Variants in GRM7 observed in about 807,000 individuals in gnomAD.
GRM7 encodes the protein metabotropic glutamate receptor 7.
Under a neutral mutation model 84.5 loss-of-function variants are expected in GRM7, and 35 were observed. The observed-to-expected ratio is 0.41, with a 90% CI of 0.32 to 0.55. The LOEUF (loss-of-function observed/expected upper bound fraction) is 0.55, where lower values mean the gene tolerates loss of function less well. Among genes scored for constraint, GRM7 ranks in the 20% least tolerant of loss-of-function variants. The pLI is 0.19. For missense variants in GRM7, 1,003 were observed against 1,194.6 expected (o/e 0.84, Z 2.36); for synonymous variants, 487 against 455.1 (o/e 1.07, Z -0.89).
intron 9 of GRM7, among the ~76,000 whole-genome samples, chr3:7,717,416 G>T (rs1449596795): frequency 6.6e-6 from 1 of 152,086 alleles, no homozygotes; most frequent in Non-Finnish European, 1.5e-5. Context: ...TCTAGAAAAT[G>T]CTGGTATATA....
intron 8 of GRM7, among the ~76,000 whole-genome samples, chr3:7,647,126 C>T (rs767393023): frequency 6.6e-6 from 1 of 152,156 alleles, no homozygotes; most frequent in Non-Finnish European, 1.5e-5. Flanking sequence ...AAGGAAAGAA[C>T]CCGTGTGGGT....
chr3:6,864,462 G>A (rs912725068), intron 1 of GRM7, among the ~76,000 whole-genome samples: 3 of 152,060 alleles, frequency 2.0e-5, no homozygotes, highest in Admixed American at 2.0e-4. Flanking sequence ...GAGAATAATG[G>A]TATACACACC....
intron 1 of GRM7, among the ~76,000 whole-genome samples, chr3:7,087,904 A>C (rs1245083526): frequency 6.6e-6 from 1 of 152,220 alleles, no homozygotes; most frequent in Non-Finnish European, 1.5e-5. Flanking sequence ...TCTAATACTT[A>C]GAAGAGAGAC....
intron 4 of GRM7, among the ~76,000 whole-genome samples, chr3:7,342,717 G>A (rs554675142): frequency 1.2e-4 from 18 of 152,230 alleles, no homozygotes; most frequent in African/African-American, 3.9e-4. Flanking sequence ...TTTCTAAAGC[G>A]TTTCTAGGTG....
intron 9 of GRM7, among the ~76,000 whole-genome samples, chr3:7,731,059 A>G (rs2106526789): frequency 6.7e-6 from 1 of 150,098 alleles, no homozygotes; most frequent in East Asian, 1.9e-4. Flanking sequence ...TTTACATCTT[A>G]AAGTACAAAT....
intron 7 of GRM7, among the ~76,000 whole-genome samples, chr3:7,466,993 T>C (rs965306940): frequency 6.6e-6 from 1 of 152,214 alleles, no homozygotes; most frequent in African/African-American, 2.4e-5. Context: ...TTTGTTAATA[T>C]ATAAAATCAT....
At chr3:7,574,394 G>C (rs867364372) in intron 7 of GRM7, among the ~76,000 whole-genome samples, 5 of 152,094 alleles carry the variant, frequency 3.3e-5, no homozygotes, top group African/African-American at 4.8e-5. Context: ...TCCTGACCTC[G>C]TGATCCACCT....
At chr3:7,196,425 A>G (rs1392030055) in intron 2 of GRM7, among the ~76,000 whole-genome samples, 1 of 152,138 alleles carries the variant, frequency 6.6e-6, no homozygotes. Flanking sequence ...ATGCCACTGC[A>G]TAGTTCACTG....
chr3:7,026,052 A>G (rs763299221), intron 1 of GRM7, among the ~76,000 whole-genome samples: 20 of 152,214 alleles, frequency 1.3e-4, no homozygotes, highest in Non-Finnish European at 2.8e-4. Context: ...CTTAGAGCCA[A>G]TCACCTAATT....
intron 4 of GRM7, among the ~76,000 whole-genome samples, chr3:7,312,819 A>T (rs17697581): frequency 0.013 from 2,019 of 152,248 alleles, 31 homozygotes; most frequent in Admixed American, 0.015. Context: ...TATCCAAACC[A>T]GAACACCTTA....
intron 1 of GRM7, among the ~76,000 whole-genome samples, chr3:6,894,450 T>G (rs1486247871): frequency 1.3e-5 from 2 of 152,174 alleles, no homozygotes; most frequent in Non-Finnish European, 2.9e-5. Flanking sequence ...AAGGGATTTA[T>G]GTCATCTATT....
At chr3:7,477,403 G>A (rs1352165744) in intron 7 of GRM7, among the ~76,000 whole-genome samples, 1 of 152,024 alleles carries the variant, frequency 6.6e-6, no homozygotes, top group Non-Finnish European at 1.5e-5. Context: ...CCCAACTCTG[G>A]TGTATACTTA....
intron 2 of GRM7, among the ~76,000 whole-genome samples, chr3:7,261,293 T>C (rs867608810): frequency 6.6e-6 from 1 of 152,236 alleles, no homozygotes; most frequent in African/African-American, 2.4e-5. Context: ...TCAGGTTATT[T>C]AATTTCCATG....
rs1164961076 is a variant in GRM7, at chr3:7,259,953, G to GTTTTT, written c.737-38723_737-38719dup. Among the ~76,000 whole-genome samples the GTTTTT allele has an allele frequency of 4.1e-3, 366 of 89,662 alleles. 21 individuals are homozygous for GTTTTT. The highest frequency in any genetic ancestry group is 5.7e-3 in the Non-Finnish European group (300 of 52,270). 58.8% of individuals were successfully genotyped at this position (89,662 alleles called of 152,430 possible). A position where few individuals can be genotyped will look rare whatever the true frequency, so the allele number is the denominator to read the frequency against. On this transcript the variant is annotated intron_variant, in intron 2 of 9. Coordinates refer to ENST00000357716, the MANE Select transcript of GRM7 (RefSeq NM_000844.4). Reference sequence around the variant, plus strand: ...TTTCTCTGCAACCTTACCAGCATCTGTTTTTTTTTTTTGACGTTTTAATAA... The same window carrying GTTTTT: ...TTTCTCTGCAACCTTACCAGCATCTGTTTTTTTTTTTTTTTTTGACGTTTTAATAA...
At chr3:7,356,310 T>C (rs1693399163) in intron 4 of GRM7, among the ~76,000 whole-genome samples, 1 of 151,842 alleles carries the variant, frequency 6.6e-6, no homozygotes, top group Non-Finnish European at 1.5e-5. Flanking sequence ...TTTTTTTTTT[T>C]ATTTTTTTTG....
chr3:7,087,635 T>C (rs938891208), intron 1 of GRM7, among the ~76,000 whole-genome samples: 3 of 152,180 alleles, frequency 2.0e-5, no homozygotes, highest in Non-Finnish European at 4.4e-5. Flanking sequence ...CTCTGTGTTC[T>C]AAAGCCTTCA....
chr3:7,732,013 A>G (rs1211603988), intron 9 of GRM7, among the ~76,000 whole-genome samples: 1 of 152,078 alleles, frequency 6.6e-6, no homozygotes, highest in Admixed American at 6.5e-5. Flanking sequence ...TGCAAACTCC[A>G]TCTTCCACGT....
chr3:6,863,215 G>T lies in GRM7; in HGVS notation c.519+1308G>T, dbSNP rs1358184676. On this transcript the variant is annotated intron_variant, in intron 1 of 9. Transcript: ENST00000357716. The surrounding 1 kb of genome is among the most constrained non-coding windows in gnomAD (Gnocchi z 4.8). ...ACTCCCAAGTTCTTGGTTCATCTCC[G>T]TATTAAAATGACCCTTTTCCAGTGC... Among the ~76,000 whole-genome samples the T allele has an allele frequency of 6.6e-6, 1 of 150,418 alleles. No homozygotes were observed. Among genetic ancestry groups the T allele is most frequent in the Non-Finnish European group, 1.5e-5 (1 of 67,804 alleles).
At chr3:7,426,049 A>G (rs1221251161) in intron 5 of GRM7, among the ~76,000 whole-genome samples, 1 of 152,178 alleles carries the variant, frequency 6.6e-6, no homozygotes, top group Non-Finnish European at 1.5e-5. Flanking sequence ...TTAACATGTA[A>G]AACTAATTCC....
Sources: gnomAD v4.1 joint callset for allele counts (sites outside exome capture counted in the v4.1 genomes callset) on GRCh38, gnomAD v4.1.1 for gene constraint, Gnocchi (gnomAD v3.1) non-coding constraint, MANE v1.5 for transcripts, NCBI Gene and HGNC (gene_info 2026-07-23, HGNC 2026-07-21) for gene names.